LIMCH1: variants seen among roughly 807,000 people sequenced by gnomAD.
LIMCH1 encodes the protein LIM and calponin homology domains 1, also known as LIM and calponin homology domains-containing protein 1.
A neutral mutation model predicts 176.5 loss-of-function variants in LIMCH1; 113 were observed. That is an observed-to-expected ratio of 0.64 (90% CI 0.55 to 0.75). The LOEUF (loss-of-function observed/expected upper bound fraction) is 0.75, where lower values mean the gene tolerates loss of function less well. Ranked by LOEUF, LIMCH1 falls within the 30% of genes least tolerant of loss-of-function variation. The probability of loss-of-function intolerance (pLI) is 0.00; values close to 1 mark genes in which losing one functional copy is unlikely to be tolerated. For missense variants in LIMCH1, 1,674 were observed against 1,814.9 expected, an observed-to-expected ratio of 0.92 and a Z score of 1.41; for synonymous variants, 619 against 645.9, an observed-to-expected ratio of 0.96 and a Z score of 0.63.
intron 1 of LIMCH1, among the ~76,000 whole-genome samples, chr4:41,490,305 C>A (rs56196701): frequency 1.3e-3 from 172 of 128,714 alleles, no homozygotes; most frequent in Non-Finnish European, 2.2e-3. Context: ...ATTTATTGAT[C>A]ATTCTTGGGT....
intron 2 of LIMCH1, among the ~76,000 whole-genome samples, chr4:41,506,803 A>G (rs576594108): frequency 6.6e-6 from 1 of 152,178 alleles, no homozygotes; most frequent in African/African-American, 2.4e-5. Context: ...TGTGGTTTTT[A>G]TCCCTCATAA....
At chr4:41,638,904 T>C (rs1206867536) in intron 13 of LIMCH1, 28 bp from the exon 14 acceptor site, 1 of 1,601,590 alleles carries the variant, frequency 6.2e-7, no homozygotes, top group Non-Finnish European at 8.5e-7. Flanking sequence ...ACTCTGCCAG[T>C]CCTCTAATTT....
intron 1 of LIMCH1, among the ~76,000 whole-genome samples, chr4:41,469,963 A>G (rs939659070): frequency 6.6e-6 from 1 of 152,116 alleles, no homozygotes; most frequent in Non-Finnish European, 1.5e-5. Flanking sequence ...TACAGGTGTG[A>G]GCCACCATGC....
chr4:41,491,071 A>G (rs1434715923), intron 1 of LIMCH1, among the ~76,000 whole-genome samples: 1 of 129,442 alleles, frequency 7.7e-6, no homozygotes, highest in African/African-American at 3.0e-5. Context: ...GGTGCACCTC[A>G]CTTCCCAGAC....
At chr4:41,603,401 G>A (rs944073712) in intron 2 of LIMCH1, among the ~76,000 whole-genome samples, 2 of 152,120 alleles carry the variant, frequency 1.3e-5, no homozygotes, top group Non-Finnish European at 2.9e-5. Flanking sequence ...GAGCAGAAAA[G>A]AACAAATATT....
At chr4:41,436,787 T>C (rs548209315) in intron 1 of LIMCH1, among the ~76,000 whole-genome samples, 1 of 150,048 alleles carries the variant, frequency 6.7e-6, no homozygotes, top group East Asian at 1.9e-4. Flanking sequence ...ATATTGGAAG[T>C]ATGGAGCTGG....
intron 1 of LIMCH1, among the ~76,000 whole-genome samples, chr4:41,485,797 T>A (rs1046509173): frequency 2.0e-5 from 3 of 152,140 alleles, no homozygotes; most frequent in African/African-American, 7.2e-5. Context: ...AGGATTACCC[T>A]GGCTGCTGGC....
chr4:41,472,809 A>G (rs2067174370), intron 1 of LIMCH1, among the ~76,000 whole-genome samples: 1 of 152,212 alleles, frequency 6.6e-6, no homozygotes, highest in African/African-American at 2.4e-5. Flanking sequence ...TCTCATTAGC[A>G]TATTGTTGGC....
At position 41,633,141 on chromosome 4, in the gene LIMCH1, T is replaced by C. The variant is rs2093412722; in HGVS notation, c.1829+56T>C. 6.2e-6 allele frequency: 8 copies of C among 1,281,492 alleles called. No individual in the cohort carries two copies. In the Admixed American group the frequency reaches 1.3e-4, roughly 20 times the overall value. 79.4% of individuals were successfully genotyped at this position (1,281,492 alleles called of 1,614,324 possible). On this transcript the variant is annotated intron_variant, in intron 12 of 31. Transcript: ENST00000503057. Reference sequence around the variant, plus strand: ...GTGTGTTGCCCCTGCTGTGTGTGGCTGTCGTGTTCCCAAAAAAACAGCTTA... The same window carrying C: ...GTGTGTTGCCCCTGCTGTGTGTGGCCGTCGTGTTCCCAAAAAAACAGCTTA...
chr4:41,408,023 T>C (rs1301532751), intron 1 of LIMCH1, among the ~76,000 whole-genome samples: 2 of 152,328 alleles, frequency 1.3e-5, no homozygotes, highest in Admixed American at 6.5e-5. Context: ...ATATAGAATA[T>C]GAAACTGGTC....
chr4:41,373,176 C>T (rs190059887), intron 1 of LIMCH1, among the ~76,000 whole-genome samples: 48 of 152,326 alleles, frequency 3.2e-4, no homozygotes, highest in Admixed American at 1.8e-3. Flanking sequence ...GGCAATGGGA[C>T]AGCCTCTCTG....
chr4:41,563,643 T>C (rs1035102886), intron 1 of LIMCH1, among the ~76,000 whole-genome samples: 1 of 152,192 alleles, frequency 6.6e-6, no homozygotes, highest in African/African-American at 2.4e-5. Context: ...GAAAAGCAAC[T>C]GTGCTTTGGA....
At chr4:41,438,869 A>G (rs907545335) in intron 1 of LIMCH1, among the ~76,000 whole-genome samples, 1 of 152,174 alleles carries the variant, frequency 6.6e-6, no homozygotes, top group African/African-American at 2.4e-5. Context: ...CATGGCTTGG[A>G]TGTGGTGGCG....
intron 1 of LIMCH1, among the ~76,000 whole-genome samples, chr4:41,404,744 G>T (rs544295309): frequency 6.6e-6 from 1 of 152,046 alleles, no homozygotes; most frequent in South Asian, 2.1e-4. Context: ...GTGCCACTAC[G>T]CTCCAGCCTG....
rs148660554 is a variant in LIMCH1 at position 41,649,056 on chromosome 4, A to C, written c.2821-1337A>C. Among the ~76,000 whole-genome samples, 431 of 152,288 alleles carry C rather than the reference A, an allele frequency of 2.8e-3. 3 individuals are homozygous for C. Among genetic ancestry groups the C allele is most frequent in the African/African-American group, 9.7e-3 (405 of 41,548 alleles). On this transcript the variant is annotated intron_variant, in intron 17 of 31. Coordinates refer to ENST00000503057, the MANE Select transcript of LIMCH1 (RefSeq NM_001330672.2). ...AAAAGACCAGTGGCTTAAGGTAAAT[A>C]AACTATAACTAATATCCAGCCTTCC... is the stretch of plus-strand genomic sequence containing the variant.
rs555129126 is a variant in LIMCH1 at position 41,605,369 on chromosome 4, A to G, written c.-102-525A>G. Among the ~76,000 whole-genome samples, 22 of 152,276 alleles carry G rather than the reference A, an allele frequency of 1.4e-4. 1 individual carries two copies. The highest frequency in any genetic ancestry group is 4.8e-4 in the African/African-American group (20 of 41,554). On this transcript the variant is annotated intron_variant, in intron 3 of 31. Transcript: ENST00000503057. ...TCTTTTGACTTTAATTAGATATATT[A>G]TGTTGATCCTGTGCTGGGAACCACT...
chr4:41,695,949 T>C (rs1472964676), intron 31 of LIMCH1, among the ~76,000 whole-genome samples: 1 of 152,190 alleles, frequency 6.6e-6, no homozygotes, highest in Non-Finnish European at 1.5e-5. Flanking sequence ...TTTTTCTTTC[T>C]TTTTTAAAAT....
At chr4:41,668,528 T>C (rs963773754) in intron 21 of LIMCH1, among the ~76,000 whole-genome samples, 2 of 152,262 alleles carry the variant, frequency 1.3e-5, no homozygotes, top group South Asian at 2.1e-4. Context: ...TCATTACTTA[T>C]TGTGAGGCAT....
intron 1 of LIMCH1, among the ~76,000 whole-genome samples, chr4:41,446,713 A>G (rs2063325698): frequency 2.0e-5 from 3 of 152,250 alleles, no homozygotes; most frequent in African/African-American, 7.2e-5. Context: ...TATAAATCCA[A>G]TTGGTAACAC....
Sources: gnomAD v4.1 joint callset for allele counts (sites outside exome capture counted in the v4.1 genomes callset) on GRCh38, gnomAD v4.1.1 for gene constraint, MANE v1.5 for transcripts, NCBI Gene and HGNC (gene_info 2026-07-23, HGNC 2026-07-21) for gene names.